MGAT5: variants seen among roughly 807,000 people sequenced by gnomAD.
MGAT5 encodes the protein alpha-1,6-mannosylglycoprotein 6-beta-N-acetylglucosaminyltransferase, also known as alpha-1,6-mannosylglycoprotein 6-beta-N-acetylglucosaminyltransferase A.
In MGAT5, 30 loss-of-function variants were observed where a neutral mutation model predicts 94.3. The ratio of observed to expected loss-of-function variants is 0.32; its 90% CI spans 0.24 to 0.43. MGAT5 has a LOEUF of 0.43. MGAT5 is among the 20% of genes least tolerant of loss of function. MGAT5 has a pLI of 1.00. For synonymous variants in MGAT5, 310 were observed against 322.9 expected, an observed-to-expected ratio of 0.96 and a Z score of 0.43; for missense variants, 691 against 905.5, an observed-to-expected ratio of 0.76 and a Z score of 3.04.
At chr2:134,126,210 CAAAT>C (rs1184467870) in intron 1 of MGAT5, among the ~76,000 whole-genome samples, 1 of 152,128 alleles carries the variant, frequency 6.6e-6, no homozygotes, top group Non-Finnish European at 1.5e-5. Flanking sequence ...ATGCTTCTGC[CAAAT>C]AAATAGTCAC....
upstream of MGAT5, among the ~76,000 whole-genome samples, chr2:134,249,784 G>A (rs1682483202): frequency 6.6e-6 from 1 of 152,220 alleles, no homozygotes; most frequent in Admixed American, 6.5e-5. Context: ...GTTCCTAGAA[G>A]CAGAATTGTT....
At chr2:134,154,972 A>G (rs371652471) in intron 1 of MGAT5, among the ~76,000 whole-genome samples, 11 of 152,224 alleles carry the variant, frequency 7.2e-5, no homozygotes, top group South Asian at 4.2e-4. Context: ...TTTTTCATCA[A>G]TGCTAACTCT....
At chr2:134,428,568 G>A (rs1378218917) in intron 14 of MGAT5, 129 bp downstream of exon 14, 2 of 771,992 alleles carry the variant, frequency 2.6e-6, no homozygotes, top group African/African-American at 3.5e-5. Context: ...GACTCTAGAA[G>A]CTGGATAATA....
intron 11 of MGAT5, among the ~76,000 whole-genome samples, chr2:134,403,730 G>A (rs1355914405): frequency 6.6e-6 from 1 of 152,224 alleles, no homozygotes; most frequent in Non-Finnish European, 1.5e-5. Flanking sequence ...GGAGGTGGAG[G>A]TGGCATATTC....
At chr2:134,400,460 A>G (rs1476948342) in intron 10 of MGAT5, among the ~76,000 whole-genome samples, 1 of 152,206 alleles carries the variant, frequency 6.6e-6, no homozygotes, top group Non-Finnish European at 1.5e-5. Context: ...GTAAGTTCAT[A>G]CACTTTATTA....
chr2:134,205,297 G>A (rs565333476), intron 1 of MGAT5, among the ~76,000 whole-genome samples: 47 of 152,202 alleles, frequency 3.1e-4, no homozygotes, highest in Non-Finnish European at 5.3e-4. Flanking sequence ...TGGGGCTAGA[G>A]CAGGCAGGAA....
At position 134,334,496 on chromosome 2, in the gene MGAT5, C is replaced by CTTTTTTTTTTTTT. The variant is rs59933611; in HGVS notation, c.574-1710_574-1698dup. 5.0e-4 allele frequency among the ~76,000 whole-genome samples: 17 copies of CTTTTTTTTTTTTT among 34,112 alleles called. 4 individuals are homozygous for CTTTTTTTTTTTTT. The highest frequency in any genetic ancestry group is 1.7e-3 in the African/African-American group (14 of 8,264). The allele number at this position is 34,112 out of a possible 152,430, so 22.4% of individuals were successfully genotyped here. A position where few individuals can be genotyped will look rare whatever the true frequency, so the allele number is the denominator to read the frequency against. On this transcript the variant is annotated intron_variant, in intron 4 of 15. Transcript: ENST00000281923. The stretch of plus-strand genomic sequence containing the variant: ...CAAATCTCTACTTTCCTTGCTCATC[C>CTTTTTTTTTTTTT]TTTTTTTTTTTTTTTTTTTTTTTGC...
At chr2:134,304,816 T>C (rs909089656) in intron 2 of MGAT5, among the ~76,000 whole-genome samples, 2 of 152,198 alleles carry the variant, frequency 1.3e-5, no homozygotes, top group Non-Finnish European at 2.9e-5. Context: ...GCACAAGCAG[T>C]CTTCCTGCCT....
At chr2:134,146,418 G>T (rs956846202) in intron 1 of MGAT5, among the ~76,000 whole-genome samples, 1 of 152,030 alleles carries the variant, frequency 6.6e-6, no homozygotes, top group African/African-American at 2.4e-5. Flanking sequence ...AAATTAGCCA[G>T]GTGTGGTGTC....
At chr2:134,225,845 C>T (rs1681033203) in intron 1 of MGAT5, among the ~76,000 whole-genome samples, 1 of 152,172 alleles carries the variant, frequency 6.6e-6, no homozygotes, top group East Asian at 1.9e-4. Flanking sequence ...TTCTTTATCC[C>T]ACTGCTGGGG....
chr2:134,352,955 A>G (rs1679476579), intron 9 of MGAT5, among the ~76,000 whole-genome samples: 1 of 152,214 alleles, frequency 6.6e-6, no homozygotes, highest in Non-Finnish European at 1.5e-5. Flanking sequence ...CTAGTCACAA[A>G]AGGATGAATA....
chr2:134,148,372 T>C (rs1038050216), intron 1 of MGAT5, among the ~76,000 whole-genome samples: 3 of 152,252 alleles, frequency 2.0e-5, no homozygotes, highest in African/African-American at 4.8e-5. Context: ...GATCTCAGGA[T>C]TCCCCTGGTG....
At chr2:134,181,726 C>T (rs1170840686) in intron 1 of MGAT5, among the ~76,000 whole-genome samples, 1 of 152,162 alleles carries the variant, frequency 6.6e-6, no homozygotes, top group Non-Finnish European at 1.5e-5. Context: ...ACACTTCTTA[C>T]ACCTTAATTA....
intron 1 of MGAT5, among the ~76,000 whole-genome samples, chr2:134,207,456 T>C (rs1404427429): frequency 6.6e-6 from 1 of 152,158 alleles, no homozygotes; most frequent in Non-Finnish European, 1.5e-5. Flanking sequence ...CATTCAGCGG[T>C]TACCATGCAT....
chr2:134,258,228 A>G (rs1683106011), intron 1 of MGAT5, among the ~76,000 whole-genome samples: 3 of 152,206 alleles, frequency 2.0e-5, no homozygotes, highest in South Asian at 4.1e-4. Flanking sequence ...AAATGCAATA[A>G]CAGATAAACA....
At chr2:134,187,952 G>A (rs549150433) in intron 1 of MGAT5, among the ~76,000 whole-genome samples, 4 of 152,334 alleles carry the variant, frequency 2.6e-5, no homozygotes, top group East Asian at 1.9e-4. Context: ...GAGAGATTCC[G>A]CCTGTGGTGA....
intron 1 of MGAT5, among the ~76,000 whole-genome samples, chr2:134,191,833 A>G (rs1478042880): frequency 8.0e-3 from 547 of 67,972 alleles, no homozygotes; most frequent in Middle Eastern, 0.037. Context: ...GGGTGGGTGG[A>G]TTCGCGCCCT....
At chr2:134,244,819 G>A (rs1461617011) in intron 1 of MGAT5, among the ~76,000 whole-genome samples, 1 of 152,106 alleles carries the variant, frequency 6.6e-6, no homozygotes, top group Non-Finnish European at 1.5e-5. Flanking sequence ...TAGTTATAGA[G>A]GGTTATTGGA....
chr2:134,164,416 T>C (rs961041920), intron 1 of MGAT5, among the ~76,000 whole-genome samples: 1 of 152,134 alleles, frequency 6.6e-6, no homozygotes, highest in Non-Finnish European at 1.5e-5. Context: ...GACCTCATCT[T>C]GCCAAGGAAG....
Sources: gnomAD v4.1 joint callset for allele counts (sites outside exome capture counted in the v4.1 genomes callset) on GRCh38, gnomAD v4.1.1 for gene constraint, MANE v1.5 for transcripts, NCBI Gene and HGNC (gene_info 2026-07-23, HGNC 2026-07-21) for gene names.